Variants in STK32A observed in about 807,000 individuals in gnomAD.
The protein encoded by STK32A is serine/threonine-protein kinase 32A.
STK32A carries 41 observed loss-of-function variants against 53.2 expected under a neutral mutation model. The ratio of observed to expected loss-of-function variants is 0.77; its 90% CI spans 0.60 to 1.00. The LOEUF (loss-of-function observed/expected upper bound fraction) is 1.00. Ranked by LOEUF, STK32A falls within the 50% of genes least tolerant of loss-of-function variation. The probability of loss-of-function intolerance (pLI) is 0.00; values close to 1 mark genes in which losing one functional copy is unlikely to be tolerated. For synonymous variants in STK32A, 166 were observed against 162.8 expected, an observed-to-expected ratio of 1.02 and a Z score of -0.15; for missense variants, 458 against 485.8, an observed-to-expected ratio of 0.94 and a Z score of 0.54.
At position 147,385,359 on chromosome 5, in the gene STK32A, A is replaced by T. The variant is rs192180556; in HGVS notation, c.*1376A>T. ...TTGCTAAGCTGGCCAGGTTGGTTTC[A>T]AACTCCTGGTCTCAAGTGATCCGCC... On this transcript the variant is annotated 3_prime_UTR_variant, in exon 13 of 13. Coordinates refer to ENST00000397936, the MANE Select transcript of STK32A (RefSeq NM_001112724.2). 1 of 152,282 alleles carries T rather than the reference A, an allele frequency of 6.6e-6. No homozygotes were observed. The highest frequency in any genetic ancestry group is 6.5e-5 in the Admixed American group (1 of 15,290). 9.4% of individuals were successfully genotyped at this position (152,282 alleles called of 1,614,324 possible).
At chr5:147,274,933 TG>T (rs1368432100) in intron 2 of STK32A, among the ~76,000 whole-genome samples, 8 of 152,188 alleles carry the variant, frequency 5.3e-5, no homozygotes, top group Non-Finnish European at 1.0e-4. Flanking sequence ...GTAAATATTG[TG>T]GGTTTATATA....
chr5:147,375,446 G>T, intron 11 of STK32A: 1 of 408,342 alleles, frequency 2.4e-6, no homozygotes, highest in Non-Finnish European at 4.3e-6. Context: ...CCATTAACTT[G>T]ACTCAGTTAT....
chr5:147,321,436 A>G (rs531594637), intron 4 of STK32A, among the ~76,000 whole-genome samples: 1 of 152,344 alleles, frequency 6.6e-6, no homozygotes, highest in South Asian at 2.1e-4. Flanking sequence ...GTGCCAAAGG[A>G]GAAAGATGAT....
intron 2 of STK32A, among the ~76,000 whole-genome samples, chr5:147,252,083 G>C (rs1754024525): frequency 6.6e-6 from 1 of 151,758 alleles, no homozygotes; most frequent in Admixed American, 6.6e-5. Flanking sequence ...GGAGATCAAG[G>C]CTACGGTGAG....
the STK32A span, among the ~76,000 whole-genome samples, chr5:147,397,121 C>T: frequency 6.8e-6 from 1 of 146,764 alleles, no homozygotes; most frequent in African/African-American, 2.5e-5. Context: ...TTCTCTGCAC[C>T]TCCATTTTTT....
chr5:147,400,979 T>C, the STK32A span: 1 of 1,102,050 alleles, frequency 9.1e-7, no homozygotes, highest in Non-Finnish European at 1.2e-6. Context: ...ATATATGAGC[T>C]TGGATGAGTT....
Position 147,351,155 on chromosome 5 carries a change from G to A in STK32A, c.562+1G>A. On this transcript the variant is annotated splice_donor_variant, in intron 7 of 12. Transcript: ENST00000397936. LOFTEE classifies it high-confidence loss of function. ...ATGGCTGGCACCAAGCCTTACATGG[G>A]TATGGGTTTCATGAGTGTCTTTTTT... 1 of 1,612,240 alleles carries A rather than the reference G, an allele frequency of 6.2e-7. No individual in the cohort carries two copies. The highest frequency in any genetic ancestry group is 8.5e-7 in the Non-Finnish European group (1 of 1,178,348).
intron 5 of STK32A, among the ~76,000 whole-genome samples, chr5:147,335,816 T>C (rs1369492491): frequency 6.6e-6 from 1 of 152,150 alleles, no homozygotes; most frequent in Non-Finnish European, 1.5e-5. Context: ...CGCGCGTGCA[T>C]GCGTGCGCGT....
At chr5:147,271,278 A>G (rs13190114) in intron 2 of STK32A, among the ~76,000 whole-genome samples, 89,427 of 151,900 alleles carry the variant, frequency 0.59, 26,692 homozygotes, top group African/African-American at 0.67. Context: ...ATGGACACTT[A>G]TCACTTCCCC....
At chr5:147,267,358 T>C (rs1368953913) in intron 2 of STK32A, among the ~76,000 whole-genome samples, 1 of 152,240 alleles carries the variant, frequency 6.6e-6, no homozygotes, top group East Asian at 1.9e-4. Flanking sequence ...ATTCAGAAAC[T>C]TTTAGGACTC....
At chr5:147,275,488 C>A (rs1755214283) in intron 2 of STK32A, among the ~76,000 whole-genome samples, 1 of 152,076 alleles carries the variant, frequency 6.6e-6, no homozygotes, top group South Asian at 2.1e-4. Flanking sequence ...CCATGCCTAG[C>A]AAATTTTTAA....
At chr5:147,236,725 G>T (rs1396050944) in intron 1 of STK32A, among the ~76,000 whole-genome samples, 1 of 152,098 alleles carries the variant, frequency 6.6e-6, no homozygotes, top group African/African-American at 2.4e-5. Context: ...AAAATCACTT[G>T]GTCCGTGGTG....
chr5:147,241,689 A>T (rs1753589978), intron 2 of STK32A, among the ~76,000 whole-genome samples: 1 of 152,148 alleles, frequency 6.6e-6, no homozygotes, highest in African/African-American at 2.4e-5. Context: ...TTAACTTATC[A>T]AATAGTAAAA....
intron 4 of STK32A, among the ~76,000 whole-genome samples, chr5:147,288,854 A>T (rs960268894): frequency 1.3e-5 from 2 of 152,188 alleles, no homozygotes; most frequent in Non-Finnish European, 2.9e-5. Flanking sequence ...TTACTTCATC[A>T]TTTTTAAGTC....
chr5:147,239,683 G>A lies in STK32A; in HGVS notation c.49G>A (p.Asp17Asn). The A allele has an allele frequency of 6.2e-7, 1 of 1,606,214 alleles. No homozygotes were observed. Reference protein sequence around the residue: ...RKPPVFDENEDVNFDHFEILR... With the variant: ...RKPPVFDENENVNFDHFEILR... Reference sequence around the variant, plus strand: ...ACCACCAGTGTTTGATGAAAATGAAGATGGTAAGAAATATGGGATAGTGGC... The same window carrying A: ...ACCACCAGTGTTTGATGAAAATGAAAATGGTAAGAAATATGGGATAGTGGC... The change falls in exon 2 of 13, where the codon GAT (aspartate) becomes AAT (asparagine). Residue 17 changes from aspartate (D) to asparagine (N), a missense_variant. Asp to Asn is a conservative substitution (Grantham distance 23, BLOSUM62 1). Coordinates refer to ENST00000397936, the MANE Select transcript of STK32A (RefSeq NM_001112724.2).
At chr5:147,338,239 G>A (rs979441050) in intron 5 of STK32A, among the ~76,000 whole-genome samples, 18 of 152,070 alleles carry the variant, frequency 1.2e-4, no homozygotes, top group Non-Finnish European at 1.5e-5. Context: ...GTGATAGTGG[G>A]TGAGTCTCAT....
At chr5:147,266,563 T>A (rs1754820633) in intron 2 of STK32A, among the ~76,000 whole-genome samples, 1 of 152,230 alleles carries the variant, frequency 6.6e-6, no homozygotes, top group Non-Finnish European at 1.5e-5. Context: ...AACTTAATTT[T>A]AAAAAGTTAA....
intron 10 of STK32A, 93 bp downstream of exon 10, chr5:147,373,387 C>T: frequency 2.0e-6 from 3 of 1,519,368 alleles, no homozygotes; most frequent in Non-Finnish European, 2.7e-6. Context: ...ATAATCACAC[C>T]AGTGTTGTTA....
intron 5 of STK32A, among the ~76,000 whole-genome samples, chr5:147,332,759 A>T (rs1052495934): frequency 9.2e-5 from 14 of 152,154 alleles, no homozygotes; most frequent in Non-Finnish European, 7.4e-5. Flanking sequence ...TATTAGGTTG[A>T]TGTGTTCTAT....
Sources: allele counts gnomAD v4.1 joint callset (sites outside exome capture counted in the v4.1 genomes callset), GRCh38; gene constraint gnomAD v4.1.1; transcripts MANE v1.5; gene names NCBI Gene and HGNC (gene_info 2026-07-23, HGNC 2026-07-21).